COL4A5: variants seen among roughly 807,000 people sequenced by gnomAD.
COL4A5 encodes collagen type IV alpha 5 chain, also known as collagen alpha-5(IV) chain.
A neutral mutation model predicts 130.2 loss-of-function variants in COL4A5; 26 were observed. That is an observed-to-expected ratio of 0.20 (90% confidence interval 0.15 to 0.28). The LOEUF is 0.28. Among genes scored for constraint, COL4A5 ranks in the 10% least tolerant of loss-of-function variants. The pLI, the probability that COL4A5 is intolerant of heterozygous loss-of-function variation, is 1.00. For synonymous variants in COL4A5, 496 were observed against 439.6 expected, an observed-to-expected ratio of 1.13 and a Z score of -1.60; for missense variants, 1,131 against 1,344.3, an observed-to-expected ratio of 0.84 and a Z score of 2.48.
At chrX:108,450,259 C>T (rs1344203093) in intron 1 of COL4A5, among the ~76,000 whole-genome samples, 7 of 111,618 alleles carry the variant, frequency 6.3e-5, no homozygotes, top group Middle Eastern at 4.7e-3. Flanking sequence ...TTGCATGGAA[C>T]GCTTTTTTGT....
intron 4 of COL4A5, among the ~76,000 whole-genome samples, chrX:108,566,556 T>C (rs2147741081): frequency 9.0e-6 from 1 of 110,545 alleles, no homozygotes. Context: ...TTTTTCTTTC[T>C]TTCTTTTTTG....
At chrX:108,644,286 C>T (rs2881384) in intron 36 of COL4A5, among the ~76,000 whole-genome samples, 43,242 of 110,563 alleles carry the variant, frequency 0.39, 8,022 homozygotes, top group East Asian at 0.72. Context: ...CACAATAATA[C>T]TGAGGAACTT....
rs777110527 is a variant in COL4A5 at position 108,665,595 on chromosome X, T to C, written c.3454+8T>C. ...GAGAACCTGGTCCTGTAGGTAAGCA[T>C]GAAAAATAACAGTTTGCTGTTTTAT... On this transcript the variant is annotated splice_region_variant and intron_variant, in intron 38 of 52. Coordinates refer to ENST00000328300, the MANE Select transcript of COL4A5 (RefSeq NM_033380.3). 10 of 1,157,087 alleles carry C rather than the reference T, an allele frequency of 8.6e-6. No individual in the cohort carries two copies. Among genetic ancestry groups the C allele is most frequent in the Non-Finnish European group, 1.2e-5 (10 of 847,396 alleles).
chrX:108,653,304 T>C (rs973088870), intron 36 of COL4A5, among the ~76,000 whole-genome samples: 2 of 110,895 alleles, frequency 1.8e-5, no homozygotes, highest in Admixed American at 1.9e-4. Flanking sequence ...CCAAGGGGGA[T>C]ACATTCCAAG....
intron 43 of COL4A5, among the ~76,000 whole-genome samples, chrX:108,675,714 A>G (rs2068289879): frequency 9.0e-6 from 1 of 111,616 alleles, no homozygotes; most frequent in Non-Finnish European, 1.9e-5. Flanking sequence ...ATATTATGAA[A>G]TTACATAGAA....
At chrX:108,584,638 A>G in intron 18 of COL4A5, 113 bp downstream of exon 18, 1 of 638,123 alleles carries the variant, frequency 1.6e-6, no homozygotes, top group Non-Finnish European at 2.5e-6. Flanking sequence ...ATTTCAAGTC[A>G]TTATCAATTT....
chrX:108,530,650 A>G (rs1359129983), intron 1 of COL4A5, among the ~76,000 whole-genome samples: 27 of 95,730 alleles, frequency 2.8e-4, no homozygotes, highest in Non-Finnish European at 4.6e-4. Flanking sequence ...TCAAAACCAC[A>G]ATGAGATACC....
At chrX:108,493,059 C>T (rs1296038895) in intron 1 of COL4A5, among the ~76,000 whole-genome samples, 1 of 111,550 alleles carries the variant, frequency 9.0e-6, no homozygotes, top group East Asian at 2.8e-4. Flanking sequence ...CTATCATTTT[C>T]ATCTTTATAA....
chrX:108,449,881 C>T (rs992935221), intron 1 of COL4A5, among the ~76,000 whole-genome samples: 2 of 112,183 alleles, frequency 1.8e-5, no homozygotes, highest in Middle Eastern at 9.2e-3. Context: ...AATTTTAAAA[C>T]ATATGAATTT....
chrX:108,643,901 T>C (rs923405316), intron 36 of COL4A5, among the ~76,000 whole-genome samples: 17 of 111,989 alleles, frequency 1.5e-4, no homozygotes, highest in African/African-American at 4.9e-4. Flanking sequence ...AATGCTAACA[T>C]TGAGTGTAAA....
chrX:108,597,246 A>AGG, intron 23 of COL4A5, 131 bp from the exon 24 acceptor site: 1 of 777,620 alleles, frequency 1.3e-6, no homozygotes, highest in East Asian at 3.4e-5. Context: ...AGCCCTTTGT[A>AGG]CATTAAATGT....
intron 1 of COL4A5, among the ~76,000 whole-genome samples, chrX:108,472,446 T>C (rs1046971745): frequency 4.5e-5 from 5 of 112,226 alleles, no homozygotes; most frequent in African/African-American, 1.6e-4. Flanking sequence ...ACAATCATTA[T>C]AGAACTGTCT....
At position 108,630,998 on chromosome X, in the gene COL4A5, T is replaced by C. The variant is rs1239369963; in HGVS notation, c.3246+4649T>C. ...GGTGTTATCTCTGAGGCCTCTGTTC[T>C]GTTCCATTGGTCTACATCTCTGTTT... On this transcript the variant is annotated intron_variant, in intron 36 of 52. Transcript: ENST00000328300. Among the ~76,000 whole-genome samples, 5 of 111,904 alleles carry C rather than the reference T, an allele frequency of 4.5e-5. No individual in the cohort carries two copies. The East Asian group carries it at 1.1e-3, about 25-fold the overall frequency.
intron 49 of COL4A5, among the ~76,000 whole-genome samples, chrX:108,688,177 G>A (rs1268310567): frequency 1.8e-5 from 2 of 111,819 alleles, no homozygotes; most frequent in Non-Finnish European, 3.8e-5. Context: ...TAAAATAAGT[G>A]CCTTAGCTTT....
In COL4A5 at chrX:108,526,667, CTTTCTCTTTCTTTCTTTCTT is replaced by C. The variant is rs1569481210; in HGVS notation, c.82-13077_82-13058del. Among the ~76,000 whole-genome samples the C allele has an allele frequency of 6.6e-5, 3 of 45,371 alleles. No homozygotes were observed. In the East Asian group the frequency reaches 2.3e-3, roughly 36 times the overall value. 39.4% of individuals were successfully genotyped at this position (45,371 alleles called of 115,157 possible). A position where few individuals can be genotyped will look rare whatever the true frequency, so the allele number is the denominator to read the frequency against. ...TTCTTTCTTTCTTTCTTTCTTCTTT[CTTTCTCTTTCTTTCTTTCTT>C]TCTTTCTTTCTTTCTTTCTTTCTTT... is the stretch of plus-strand genomic sequence containing the variant. On this transcript the variant is annotated intron_variant, in intron 1 of 52. Transcript: ENST00000328300.
intron 49 of COL4A5, chrX:108,690,024 C>T (rs910206693): frequency 1.3e-6 from 1 of 751,476 alleles, no homozygotes; most frequent in South Asian, 6.8e-5. Context: ...CCTTACGAGA[C>T]TGGATATTTT....
intron 1 of COL4A5, among the ~76,000 whole-genome samples, chrX:108,487,235 A>T (rs2064953070): frequency 9.1e-6 from 1 of 110,318 alleles, no homozygotes; most frequent in African/African-American, 3.3e-5. Context: ...TACTAAAAAT[A>T]CAAAATTAGC....
At chrX:108,607,008 G>C in intron 29 of COL4A5, 116 bp downstream of exon 29, 2 of 719,407 alleles carry the variant, frequency 2.8e-6, no homozygotes, top group South Asian at 2.3e-5. Context: ...CTGCCATTCT[G>C]TTACTGCTAC....
intron 33 of COL4A5, 69 bp from the exon 34 acceptor site, chrX:108,624,165 TTG>T: frequency 1.2e-6 from 1 of 865,973 alleles, no homozygotes; most frequent in East Asian, 3.2e-5. Flanking sequence ...CTTGAGTAGC[TTG>T]CTTTGCCAAA....
Sources: allele counts gnomAD v4.1 joint callset (sites outside exome capture counted in the v4.1 genomes callset), GRCh38; gene constraint gnomAD v4.1.1; transcripts MANE v1.5; gene names NCBI Gene and HGNC (gene_info 2026-07-23, HGNC 2026-07-21).